Variants in DGLUCY observed in about 807,000 individuals in gnomAD.
DGLUCY encodes D-glutamate cyclase, mitochondrial.
A neutral mutation model predicts 58.5 loss-of-function variants in DGLUCY; 58 were observed. The ratio of observed to expected loss-of-function variants is 0.99; its 90% CI spans 0.80 to 1.23. DGLUCY has a LOEUF of 1.23. Ranked by LOEUF, DGLUCY falls within the 50% of genes most tolerant of loss-of-function variation. The probability of loss-of-function intolerance (pLI) is 0.00; values close to 1 mark genes in which losing one functional copy is unlikely to be tolerated. For synonymous variants in DGLUCY, 325 were observed against 314.1 expected (o/e 1.03, Z -0.37); for missense variants, 779 against 784.7 (o/e 0.99, Z 0.09).
intron 6 of DGLUCY, 127 bp downstream of exon 6, chr14:91,173,566 C>A: frequency 7.8e-7 from 1 of 1,282,414 alleles, no homozygotes; most frequent in Non-Finnish European, 1.0e-6. Context: ...CTCGCTCCTG[C>A]CCATGATCCT....
chr14:91,161,251 T>A (rs1281236150), intron 3 of DGLUCY, among the ~76,000 whole-genome samples: 5 of 152,200 alleles, frequency 3.3e-5, no homozygotes, highest in Admixed American at 1.3e-4. Context: ...TTTGTATTTT[T>A]AGTAGAGACG....
At chr14:91,222,300 T>G (rs2750090) in intron 13 of DGLUCY, among the ~76,000 whole-genome samples, 1 of 152,012 alleles carries the variant, frequency 6.6e-6, no homozygotes, top group African/African-American at 2.4e-5. Context: ...GTTGGCTGAT[T>G]GCGTGCACCC....
In DGLUCY at chr14:91,170,049, G is replaced by A. The variant is rs201040091; in HGVS notation, c.304G>A (p.Gly102Ser). ...GAAATACGAGTTCGGTGCCTGCACC[G>A]GCAGCCTGGCTTCGCTGGAGCAGTA... is the stretch of plus-strand genomic sequence containing the variant. The part of the protein sequence containing the change: ...FWKYEFGACT[G>S]SLASLEQYSE... The change falls in exon 5 of 14, where the codon GGC (glycine) becomes AGC (serine). Residue 102 changes from glycine (G) to serine (S), a missense_variant. Coordinates refer to ENST00000256324, the MANE Select transcript of DGLUCY (RefSeq NM_001102368.3). 9.9e-5 allele frequency: 159 copies of A among 1,612,208 alleles called. No homozygotes were observed. Among genetic ancestry groups the A allele is most frequent in the Middle Eastern group, 4.4e-4 (2 of 4,550 alleles).
intron 11 of DGLUCY, among the ~76,000 whole-genome samples, chr14:91,202,517 A>G (rs2050635656): frequency 6.6e-6 from 1 of 152,268 alleles, no homozygotes; most frequent in African/African-American, 2.4e-5. Flanking sequence ...TTTTCCCAGA[A>G]GAGGCTGTGG....
chr14:91,116,713 A>G (rs779906620), intron 1 of DGLUCY, among the ~76,000 whole-genome samples: 1 of 152,190 alleles, frequency 6.6e-6, no homozygotes, highest in Non-Finnish European at 1.5e-5. Context: ...TGGGAGGCCA[A>G]GGCAGACAGA....
chr14:91,145,701 G>A (rs1291801131), intron 1 of DGLUCY, among the ~76,000 whole-genome samples: 2 of 152,128 alleles, frequency 1.3e-5, no homozygotes, highest in African/African-American at 4.8e-5. Flanking sequence ...TGCTCTCTCA[G>A]CACTTTACAT....
At chr14:91,119,490 CTTT>C (rs1444350433) in intron 1 of DGLUCY, among the ~76,000 whole-genome samples, 3 of 152,168 alleles carry the variant, frequency 2.0e-5, no homozygotes, top group Non-Finnish European at 2.9e-5. Flanking sequence ...CAGTGCTACT[CTTT>C]CTAAGTTCCC....
chr14:91,158,360 C>T (rs895747259), intron 2 of DGLUCY, among the ~76,000 whole-genome samples: 1 of 152,238 alleles, frequency 6.6e-6, no homozygotes, highest in Non-Finnish European at 1.5e-5. Context: ...GTTCTCTCCC[C>T]TGTGTCCCCA....
chr14:91,188,203 A>AC (rs748652351), intron 8 of DGLUCY, among the ~76,000 whole-genome samples: 46 of 151,742 alleles, frequency 3.0e-4, no homozygotes, highest in Non-Finnish European at 4.9e-4. Flanking sequence ...ACATCCTGTG[A>AC]CCCCCAGGAG....
Position 91,186,506 on chromosome 14 carries a change from C to G in DGLUCY, c.935-2404C>G, listed in dbSNP as rs543705668. Reference sequence around the variant, plus strand: ...GGATCAGGTGATGGATCAGGTGATCCATCTGCCTCAGCCTCCCAAAGTGCT... The same window carrying G: ...GGATCAGGTGATGGATCAGGTGATCGATCTGCCTCAGCCTCCCAAAGTGCT... On this transcript the variant is annotated intron_variant, in intron 8 of 13. Coordinates refer to ENST00000256324, the MANE Select transcript of DGLUCY (RefSeq NM_001102368.3). 5.3e-5 allele frequency among the ~76,000 whole-genome samples: 8 copies of G among 152,206 alleles called. No homozygotes were observed. In the South Asian group the frequency reaches 1.7e-3, roughly 32 times the overall value.
chr14:91,158,213 G>C (rs1440334335), intron 2 of DGLUCY, among the ~76,000 whole-genome samples: 1 of 152,196 alleles, frequency 6.6e-6, no homozygotes, highest in African/African-American at 2.4e-5. Context: ...AGGCTTGCCA[G>C]GCCCAGGCGT....
intron 1 of DGLUCY, among the ~76,000 whole-genome samples, chr14:91,115,495 C>T (rs1355480137): frequency 1.3e-5 from 2 of 152,166 alleles, no homozygotes; most frequent in African/African-American, 4.8e-5. Context: ...GTGATCTCAG[C>T]TCACTGCAAC....
chr14:91,131,268 T>C (rs2046010382), intron 1 of DGLUCY, among the ~76,000 whole-genome samples: 1 of 152,254 alleles, frequency 6.6e-6, no homozygotes, highest in Non-Finnish European at 1.5e-5. Flanking sequence ...CTTGTATATC[T>C]ACTTGCAGTT....
At chr14:91,060,528 G>A in exon 1 of DGLUCY, 2 of 1,230,320 alleles carry the variant, frequency 1.6e-6, no homozygotes, top group Non-Finnish European at 2.0e-6. Context: ...GCGGCCCCAG[G>A]AGTCGGGGTG....
chr14:91,146,193 G>A (rs1459236921), intron 1 of DGLUCY, among the ~76,000 whole-genome samples: 3 of 152,194 alleles, frequency 2.0e-5, no homozygotes, highest in Non-Finnish European at 4.4e-5. Flanking sequence ...TTAAAAATGA[G>A]TAAATTTAAC....
At chr14:91,136,579 G>A (rs889464514) in intron 1 of DGLUCY, among the ~76,000 whole-genome samples, 1 of 151,672 alleles carries the variant, frequency 6.6e-6, no homozygotes, top group African/African-American at 2.4e-5. Flanking sequence ...AGCCACTCGG[G>A]AGTCTGAGGC....
intron 9 of DGLUCY, among the ~76,000 whole-genome samples, chr14:91,190,333 C>T (rs953592877): frequency 1.3e-5 from 2 of 152,172 alleles, no homozygotes; most frequent in Non-Finnish European, 2.9e-5. Flanking sequence ...TGACAACAGT[C>T]CTGCCCCCAC....
At position 91,200,831 on chromosome 14, in the gene DGLUCY, G is replaced by A. The variant is rs568666464; in HGVS notation, c.1444+926G>A. Among the ~76,000 whole-genome samples, 62 of 152,290 alleles carry A rather than the reference G, an allele frequency of 4.1e-4. 1 individual carries two copies. Among genetic ancestry groups the A allele is most frequent in the African/African-American group, 1.4e-3 (60 of 41,550 alleles). ...TTTCACCTGGGTGCAGGCAGGCTGAGTCCGAAAAAGGAGTCAGCGAAGGGT... is the reference window on the plus strand; with the variant it reads ...TTTCACCTGGGTGCAGGCAGGCTGAATCCGAAAAAGGAGTCAGCGAAGGGT... On this transcript the variant is annotated intron_variant, in intron 11 of 13. Coordinates refer to ENST00000256324, the MANE Select transcript of DGLUCY (RefSeq NM_001102368.3).
intron 1 of DGLUCY, among the ~76,000 whole-genome samples, chr14:91,074,114 T>TACAC (rs1326685656): frequency 0.02 from 1,261 of 64,322 alleles, 19 homozygotes; most frequent in Middle Eastern, 0.026. Context: ...AATATATATA[T>TACAC]ATATACACAC....
Sources: allele counts gnomAD v4.1 joint callset (sites outside exome capture counted in the v4.1 genomes callset), GRCh38; gene constraint gnomAD v4.1.1; transcripts MANE v1.5; gene names NCBI Gene and HGNC (gene_info 2026-07-23, HGNC 2026-07-21).